MOBP: variants seen among roughly 807,000 people sequenced by gnomAD.
The protein encoded by MOBP is myelin associated oligodendrocyte basic protein, also known as myelin-associated oligodendrocyte basic protein.
Under a neutral mutation model 15.0 loss-of-function variants are expected in MOBP, and 5 were observed. That is an observed-to-expected ratio of 0.33 (90% CI 0.17 to 0.70). MOBP has a LOEUF of 0.70. Among genes scored for constraint, MOBP ranks in the 30% least tolerant of loss-of-function variants. The probability of loss-of-function intolerance (pLI) is 0.67; values close to 1 mark genes in which losing one functional copy is unlikely to be tolerated. For missense variants in MOBP, 188 were observed against 257.8 expected, an observed-to-expected ratio of 0.73 and a Z score of 1.85; for synonymous variants, 88 against 99.0, an observed-to-expected ratio of 0.89 and a Z score of 0.66.
downstream of MOBP, chr3:39,526,005 C>T (rs1455790696): frequency 1.3e-5 from 2 of 152,220 alleles, no homozygotes; most frequent in Admixed American, 6.5e-5. Context: ...TATCTGAGGC[C>T]ATTACATTCC....
chr3:39,525,645 A>G (rs1708000), downstream of MOBP: 49,466 of 152,192 alleles, frequency 0.33, 10,512 homozygotes, highest in African/African-American at 0.61. Context: ...GTAAAAATAT[A>G]GGGGCAATGT....
At chr3:39,497,708 ACTT>A (rs2042907562) in intron 2 of MOBP, among the ~76,000 whole-genome samples, 1 of 152,244 alleles carries the variant, frequency 6.6e-6, no homozygotes, top group African/African-American at 2.4e-5. Context: ...GTAAACTGTT[ACTT>A]CTTCGCTGTT....
At chr3:39,485,712 A>G (rs1488416137) in intron 2 of MOBP, among the ~76,000 whole-genome samples, 5 of 152,154 alleles carry the variant, frequency 3.3e-5, no homozygotes, top group African/African-American at 4.8e-5. Flanking sequence ...AGTCCAGTCA[A>G]TGGTGGTTGA....
intron 2 of MOBP, among the ~76,000 whole-genome samples, chr3:39,481,774 A>G (rs1206403316): frequency 1.3e-5 from 2 of 152,170 alleles, no homozygotes; most frequent in Non-Finnish European, 2.9e-5. Flanking sequence ...AAAGCCACCA[A>G]TTATTTTCTT....
chr3:39,471,131 CTTTT>C (rs35128158), intron 1 of MOBP, among the ~76,000 whole-genome samples: 5 of 128,968 alleles, frequency 3.9e-5, no homozygotes, highest in Non-Finnish European at 5.1e-5. Context: ...AAAGAAAAGT[CTTTT>C]TTTTTTTTTT....
At chr3:39,487,981 A>G (rs2042742054) in intron 2 of MOBP, among the ~76,000 whole-genome samples, 1 of 152,072 alleles carries the variant, frequency 6.6e-6, no homozygotes, top group South Asian at 2.1e-4. Flanking sequence ...GTTTTTTTCT[A>G]TCTATGCACA....
intron 2 of MOBP, among the ~76,000 whole-genome samples, chr3:39,494,709 TA>T (rs1559421000): frequency 6.6e-6 from 1 of 151,592 alleles, no homozygotes; most frequent in Non-Finnish European, 1.5e-5. Flanking sequence ...GAAAGGAAAA[TA>T]TAATTTATTA....
At chr3:39,515,474 G>C (rs897994961) in exon 5 of MOBP, 9 of 152,218 alleles carry the variant, frequency 5.9e-5, no homozygotes, top group African/African-American at 2.2e-4. Flanking sequence ...GAGGCCAGTG[G>C]AAGGGAGGAG....
At chr3:39,492,520 T>C (rs2042813581) in intron 2 of MOBP, among the ~76,000 whole-genome samples, 1 of 152,208 alleles carries the variant, frequency 6.6e-6, no homozygotes, top group Non-Finnish European at 1.5e-5. Context: ...TCTCAGCCAA[T>C]ATTCATCATG....
chr3:39,518,582 A>G (rs1249321471), downstream of MOBP, among the ~76,000 whole-genome samples: 1 of 152,192 alleles, frequency 6.6e-6, no homozygotes, highest in African/African-American at 2.4e-5. Flanking sequence ...CAGGGTCAAT[A>G]TTACAGTGTC....
chr3:39,467,872 G>C (rs2042365700), intron 1 of MOBP, 132 bp downstream of exon 1: 1 of 152,176 alleles, frequency 6.6e-6, no homozygotes, highest in South Asian at 2.1e-4. Context: ...TCAAGATTGA[G>C]AGGACATACA....
intron 2 of MOBP, among the ~76,000 whole-genome samples, chr3:39,486,683 T>C: frequency 6.6e-6 from 1 of 152,186 alleles, no homozygotes; most frequent in Non-Finnish European, 1.5e-5. Flanking sequence ...ATAACCTGTG[T>C]CTTTTTGATA....
chr3:39,503,066 G>A, downstream of MOBP: 1 of 520,078 alleles, frequency 1.9e-6, no homozygotes, highest in Non-Finnish European at 3.3e-6. Flanking sequence ...AGGTGCTATT[G>A]GTGCATACTT....
rs1481476214 is a variant in MOBP, at chr3:39,502,972, C to T, written c.*92C>T. The T allele has an allele frequency of 1.9e-5, 12 of 629,790 alleles. No individual in the cohort carries two copies. Among genetic ancestry groups the T allele is most frequent in the Non-Finnish European group, 3.3e-5 (12 of 366,134 alleles). The allele number at this position is 629,790 out of a possible 1,614,324, so 39.0% of individuals were successfully genotyped here. Reference sequence around the variant, plus strand: ...GGGCTGTCTCCATGGCCCTCTTCAGCCTTATTACCCAACCTGTGTAATCAG... The same window carrying T: ...GGGCTGTCTCCATGGCCCTCTTCAGTCTTATTACCCAACCTGTGTAATCAG... On this transcript the variant is annotated 3_prime_UTR_variant, in exon 4 of 4. Coordinates refer to ENST00000684792, the MANE Select transcript of MOBP (RefSeq NM_001393704.1). The surrounding 1 kb of genome is among the most constrained non-coding windows in gnomAD (Gnocchi z 6.3).
chr3:39,470,978 G>A (rs1270523784), intron 1 of MOBP, among the ~76,000 whole-genome samples: 2 of 152,170 alleles, frequency 1.3e-5, no homozygotes. Context: ...AGAGCAAAGG[G>A]ACAAGTGAAG....
chr3:39,502,481 A>G lies in MOBP; in HGVS notation c.207-54A>G. 1.3e-6 allele frequency: 2 copies of G among 1,543,446 alleles called. No homozygotes were observed. Among genetic ancestry groups the G allele is most frequent in the Non-Finnish European group, 1.7e-6 (2 of 1,151,646 alleles). On this transcript the variant is annotated intron_variant, in intron 3 of 3. Coordinates refer to ENST00000684792, the MANE Select transcript of MOBP (RefSeq NM_001393704.1). This position sits in a 1 kb window ranked among gnomAD's most constrained non-coding sequence, Gnocchi z 6.3. ...TTTCCAGCTCCTGCCAGCGTCGCTT[A>G]AGCAGCAGAGGAGAGCCCTGGCTCC...
chr3:39,469,067 TAC>T, intron 1 of MOBP, among the ~76,000 whole-genome samples: 1 of 65,506 alleles, frequency 1.5e-5, no homozygotes. Flanking sequence ...TATACATATA[TAC>T]ATATGTGTGT....
downstream of MOBP, among the ~76,000 whole-genome samples, chr3:39,506,439 G>T (rs2043048773): frequency 6.6e-6 from 1 of 151,944 alleles, no homozygotes; most frequent in Admixed American, 6.5e-5. Context: ...GAGGAATGTG[G>T]GAAGCAAGAT....
At chr3:39,507,932 T>G (rs1197587651), downstream of MOBP, among the ~76,000 whole-genome samples, 1 of 152,230 alleles carries the variant, frequency 6.6e-6, no homozygotes, top group South Asian at 2.1e-4. Context: ...CATTTTAATG[T>G]CGTTCACAAA....
Sources: allele counts gnomAD v4.1 joint callset (sites outside exome capture counted in the v4.1 genomes callset), GRCh38; gene constraint gnomAD v4.1.1; non-coding constraint Gnocchi (gnomAD v3.1); transcripts MANE v1.5; gene names NCBI Gene and HGNC (gene_info 2026-07-23, HGNC 2026-07-21).